Variants in CSMD1 observed in about 807,000 individuals in gnomAD.
CSMD1 encodes CUB and sushi domain-containing protein 1.
A neutral mutation model predicts 417.5 loss-of-function variants in CSMD1; 213 were observed. The observed-to-expected ratio is 0.51, with a 90% CI of 0.46 to 0.57. CSMD1 has a LOEUF of 0.57. CSMD1 is among the 20% of genes least tolerant of loss of function. The pLI, the probability that CSMD1 is intolerant of heterozygous loss-of-function variation, is 0.00. For missense variants in CSMD1, 6,923 were observed against 4,529.7 expected (o/e 1.53, Z -15.17); for synonymous variants, 2,862 against 1,736.8 (o/e 1.65, Z -16.11).
intron 26 of CSMD1, among the ~76,000 whole-genome samples, chr8:3,269,106 T>A (rs1563206566): frequency 6.6e-6 from 1 of 152,318 alleles, no homozygotes; most frequent in East Asian, 1.9e-4. Context: ...TATACAAGAC[T>A]TAGAACTTCA....
intron 3 of CSMD1, among the ~76,000 whole-genome samples, chr8:4,246,066 G>C (rs559801730): frequency 3.9e-5 from 6 of 152,180 alleles, no homozygotes; most frequent in African/African-American, 4.8e-5. Flanking sequence ...AGAAGTGCAG[G>C]TTTGTTACTT....
intron 10 of CSMD1, among the ~76,000 whole-genome samples, chr8:3,563,501 C>T (rs961888861): frequency 2.1e-5 from 3 of 145,452 alleles, no homozygotes; most frequent in Non-Finnish European, 1.5e-5. Context: ...AACTGAGCTC[C>T]AAAGAAAATA....
At chr8:4,585,982 A>T (rs1331890723) in intron 2 of CSMD1, among the ~76,000 whole-genome samples, 1 of 152,194 alleles carries the variant, frequency 6.6e-6, no homozygotes, top group Non-Finnish European at 1.5e-5. Context: ...TTGAAAATTA[A>T]TTCAAACTTT....
intron 37 of CSMD1, among the ~76,000 whole-genome samples, chr8:3,177,558 A>C (rs937325415): frequency 6.6e-6 from 1 of 152,210 alleles, no homozygotes; most frequent in Non-Finnish European, 1.5e-5. Flanking sequence ...TACAATATTA[A>C]AAATTCTTCC....
intron 2 of CSMD1, among the ~76,000 whole-genome samples, chr8:4,454,440 G>A (rs547947746): frequency 2.0e-5 from 3 of 152,222 alleles, no homozygotes; most frequent in South Asian, 2.1e-4. Context: ...ACCCTAGTCT[G>A]GCTACACCGC....
At chr8:3,323,003 C>G (rs1380150914) in intron 23 of CSMD1, among the ~76,000 whole-genome samples, 1 of 152,150 alleles carries the variant, frequency 6.6e-6, no homozygotes, top group Non-Finnish European at 1.5e-5. Context: ...GAACCTAAAC[C>G]TCACAGTCAT....
At chr8:4,627,526 T>C (rs1802189267) in intron 2 of CSMD1, among the ~76,000 whole-genome samples, 1 of 152,200 alleles carries the variant, frequency 6.6e-6, no homozygotes, top group African/African-American at 2.4e-5. Flanking sequence ...AAAATAACTA[T>C]TTCATTTCCT....
In CSMD1 at chr8:3,796,898, G is replaced by C. The variant is rs561361168; in HGVS notation, c.819-42856C>G. Among the ~76,000 whole-genome samples, 8 of 151,746 alleles carry C rather than the reference G, an allele frequency of 5.3e-5. No individual in the cohort carries two copies. The South Asian group carries it at 1.4e-3, about 28-fold the overall frequency. On this transcript the variant is annotated intron_variant, in intron 5 of 69. Transcript: ENST00000635120. ...AAAAATGGAAATTCCTCACGGTTCT[G>C]CCTAACAACTCATTATAGCCTAATG...
chr8:3,156,769 A>G (rs1413887052), intron 39 of CSMD1, among the ~76,000 whole-genome samples: 2 of 152,150 alleles, frequency 1.3e-5, no homozygotes, highest in Non-Finnish European at 1.5e-5. Flanking sequence ...CTTTCCTGTG[A>G]TAAAGTTGGA....
At chr8:3,259,224 C>T (rs558924645) in intron 26 of CSMD1, among the ~76,000 whole-genome samples, 2 of 152,164 alleles carry the variant, frequency 1.3e-5, no homozygotes, top group African/African-American at 2.4e-5. Flanking sequence ...ATCTGAAAGG[C>T]GTTTTCTAAA....
At chr8:3,012,961 A>G (rs926956619) in intron 52 of CSMD1, among the ~76,000 whole-genome samples, 9 of 152,146 alleles carry the variant, frequency 5.9e-5, no homozygotes, top group African/African-American at 2.2e-4. Flanking sequence ...TGGTCTCATA[A>G]AGGGGAGTTC....
chr8:3,283,534 G>C (rs983173189), intron 26 of CSMD1, among the ~76,000 whole-genome samples: 1 of 151,854 alleles, frequency 6.6e-6, no homozygotes, highest in African/African-American at 2.4e-5. Context: ...GATACTGACA[G>C]TGTTCAGAAC....
chr8:2,957,654 A>T (rs1440082476), intron 63 of CSMD1, 42 bp downstream of exon 63: 2 of 1,229,024 alleles, frequency 1.6e-6, no homozygotes, highest in Non-Finnish European at 1.2e-6. Context: ...CATTCACAAT[A>T]AATAGGTGAC....
At chr8:4,073,400 G>C (rs546456912) in intron 3 of CSMD1, among the ~76,000 whole-genome samples, 1 of 152,064 alleles carries the variant, frequency 6.6e-6, no homozygotes, top group Non-Finnish European at 1.5e-5. Flanking sequence ...AGTAAATTTA[G>C]AAGAAGCTGA....
chr8:4,451,484 C>T (rs1193062213), intron 2 of CSMD1, among the ~76,000 whole-genome samples: 1 of 152,126 alleles, frequency 6.6e-6, no homozygotes, highest in Admixed American at 6.5e-5. Flanking sequence ...AAAGCTTACC[C>T]ATAGAGAAAT....
At chr8:3,268,705 T>C (rs543146949) in intron 26 of CSMD1, among the ~76,000 whole-genome samples, 1 of 152,318 alleles carries the variant, frequency 6.6e-6, no homozygotes, top group Admixed American at 6.5e-5. Context: ...GTGAATTAAA[T>C]GTGGACCATT....
chr8:4,291,510 G>T (rs1013027113), intron 3 of CSMD1, among the ~76,000 whole-genome samples: 2 of 152,054 alleles, frequency 1.3e-5, no homozygotes, highest in Admixed American at 6.6e-5. Flanking sequence ...CATTTCACTT[G>T]TTTTCGGAAA....
chr8:4,646,119 A>G (rs1010476156), intron 1 of CSMD1, among the ~76,000 whole-genome samples: 9 of 152,240 alleles, frequency 5.9e-5, no homozygotes, highest in Admixed American at 1.3e-4. Context: ...TTATATTTCA[A>G]TAATGCAAGT....
intron 5 of CSMD1, among the ~76,000 whole-genome samples, chr8:3,893,051 A>T (rs1807092480): frequency 6.6e-6 from 1 of 151,906 alleles, no homozygotes; most frequent in Non-Finnish European, 1.5e-5. Context: ...GGATTAAACA[A>T]GTTTGACCAA....
Sources: gnomAD v4.1 joint callset for allele counts (sites outside exome capture counted in the v4.1 genomes callset) on GRCh38, gnomAD v4.1.1 for gene constraint, MANE v1.5 for transcripts, NCBI Gene and HGNC (gene_info 2026-07-23, HGNC 2026-07-21) for gene names.